RAB38: variants seen among roughly 807,000 people sequenced by gnomAD.
RAB38 encodes the protein RAB38, member RAS oncogene family.
In RAB38, 15 loss-of-function variants were observed where a neutral mutation model predicts 18.4. That is an observed-to-expected ratio of 0.82 (90% CI 0.55 to 1.26). The LOEUF (loss-of-function observed/expected upper bound fraction) is 1.26, where lower values mean the gene tolerates loss of function less well. RAB38 is among the 50% of genes most tolerant of loss of function. The probability of loss-of-function intolerance (pLI) is 0.00; values close to 1 mark genes in which losing one functional copy is unlikely to be tolerated. For synonymous variants in RAB38, 101 were observed against 104.4 expected (o/e 0.97, Z 0.20); for missense variants, 294 against 267.4 (o/e 1.10, Z -0.69).
the RAB38 span, among the ~76,000 whole-genome samples, chr11:87,952,667 G>C: frequency 6.6e-6 from 1 of 152,120 alleles, no homozygotes; most frequent in Admixed American, 6.5e-5. Context: ...GCATGGTTTC[G>C]GACATGGTCA....
the RAB38 span, among the ~76,000 whole-genome samples, chr11:87,872,193 A>G: frequency 8.6e-5 from 13 of 151,540 alleles, 1 homozygote; most frequent in African/African-American, 3.1e-4. Context: ...CATTGAATAC[A>G]TTATCATATG....
the RAB38 span, among the ~76,000 whole-genome samples, chr11:88,008,910 G>C: frequency 6.6e-6 from 1 of 152,188 alleles, no homozygotes; most frequent in Non-Finnish European, 1.5e-5. Context: ...TTGACCTCGT[G>C]ATCCGCCCGC....
the RAB38 span, among the ~76,000 whole-genome samples, chr11:88,076,889 G>A: frequency 1.4e-5 from 2 of 144,812 alleles, no homozygotes; most frequent in Non-Finnish European, 3.0e-5. Context: ...AACCTGGAAA[G>A]CGGAGGTTGC....
chr11:88,045,763 A>G, the RAB38 span, among the ~76,000 whole-genome samples: 5 of 152,116 alleles, frequency 3.3e-5, no homozygotes, highest in Admixed American at 3.3e-4. Context: ...AATCAATACG[A>G]AGGCTACCCA....
the RAB38 span, among the ~76,000 whole-genome samples, chr11:87,807,130 C>T: frequency 6.6e-6 from 1 of 152,148 alleles, no homozygotes; most frequent in Non-Finnish European, 1.5e-5. Context: ...AATCTAATGC[C>T]TGATGATCTC....
the RAB38 span, among the ~76,000 whole-genome samples, chr11:88,042,598 C>A: frequency 6.6e-6 from 1 of 152,150 alleles, no homozygotes; most frequent in African/African-American, 2.4e-5. Flanking sequence ...TGGTAATTCC[C>A]AGGTAGATCT....
chr11:87,962,989 T>C, the RAB38 span, among the ~76,000 whole-genome samples: 63 of 152,252 alleles, frequency 4.1e-4, no homozygotes, highest in Admixed American at 4.1e-3. Context: ...ATCTCAGGGG[T>C]TCCATGAGGA....
intron 2 of RAB38, among the ~76,000 whole-genome samples, chr11:88,127,759 A>G (rs993896928): frequency 2.6e-5 from 4 of 152,222 alleles, no homozygotes; most frequent in Admixed American, 6.5e-5. Flanking sequence ...TGATAGACCA[A>G]TGCTCCCTAA....
chr11:87,950,570 A>G, the RAB38 span, among the ~76,000 whole-genome samples: 16 of 152,114 alleles, frequency 1.1e-4, no homozygotes, highest in Non-Finnish European at 4.4e-5. Flanking sequence ...AGCTCTTTTA[A>G]GGCAGGCCTG....
At chr11:88,015,364 T>C in the RAB38 span, among the ~76,000 whole-genome samples, 1 of 152,310 alleles carries the variant, frequency 6.6e-6, no homozygotes, top group African/African-American at 2.4e-5. Flanking sequence ...TCAGATTGTT[T>C]ACTTTTAGTC....
At chr11:88,097,397 G>A in the RAB38 span, among the ~76,000 whole-genome samples, 4 of 151,856 alleles carry the variant, frequency 2.6e-5, no homozygotes, top group East Asian at 1.9e-4. Flanking sequence ...CTGAGTCTGC[G>A]TTTGGATCCT....
chr11:87,895,991 G>A, the RAB38 span, among the ~76,000 whole-genome samples: 507 of 151,660 alleles, frequency 3.3e-3, 4 homozygotes, highest in African/African-American at 0.012. Context: ...TTAAGCCTGC[G>A]TATTATTCTG....
the RAB38 span, among the ~76,000 whole-genome samples, chr11:88,085,005 G>A: frequency 6.6e-6 from 1 of 151,870 alleles, no homozygotes; most frequent in Non-Finnish European, 1.5e-5. Flanking sequence ...CCCAAAATGG[G>A]TAATTCGATA....
the RAB38 span, among the ~76,000 whole-genome samples, chr11:87,863,466 G>A: frequency 6.6e-6 from 1 of 151,884 alleles, no homozygotes; most frequent in South Asian, 2.1e-4. Flanking sequence ...GTGGGTAGTG[G>A]GCTGGAGAGG....
chr11:88,139,071 A>G (rs1349579120), intron 2 of RAB38, among the ~76,000 whole-genome samples: 1 of 152,168 alleles, frequency 6.6e-6, no homozygotes, highest in Non-Finnish European at 1.5e-5. Flanking sequence ...GGTGTGAGCC[A>G]CCATGCCTGG....
the RAB38 span, among the ~76,000 whole-genome samples, chr11:88,056,646 C>T: frequency 0.16 from 23,631 of 151,662 alleles, 3,079 homozygotes; most frequent in African/African-American, 0.34. Flanking sequence ...CTACTAAATA[C>T]ACAAAAAATT....
chr11:88,037,848 G>T, the RAB38 span, among the ~76,000 whole-genome samples: 1 of 151,696 alleles, frequency 6.6e-6, no homozygotes, highest in Non-Finnish European at 1.5e-5. Context: ...TATCTTCTTT[G>T]GGAAGTATCT....
the RAB38 span, among the ~76,000 whole-genome samples, chr11:87,857,830 G>T: frequency 6.6e-6 from 1 of 152,054 alleles, no homozygotes; most frequent in South Asian, 2.1e-4. Flanking sequence ...TCACTCTGAT[G>T]GTGGTTTCTT....
chr11:88,129,564 C>T (rs1299611997), intron 2 of RAB38, among the ~76,000 whole-genome samples: 1 of 151,968 alleles, frequency 6.6e-6, no homozygotes, highest in African/African-American at 2.4e-5. Flanking sequence ...TTGCTTGAAC[C>T]CAGGAGGTGG....
Sources: allele counts gnomAD v4.1 joint callset (sites outside exome capture counted in the v4.1 genomes callset), GRCh38; gene constraint gnomAD v4.1.1; transcripts MANE v1.5; gene names NCBI Gene and HGNC (gene_info 2026-07-23, HGNC 2026-07-21).